PDS5B: variants seen among roughly 807,000 people sequenced by gnomAD.
PDS5B encodes sister chromatid cohesion protein PDS5 homolog B.
PDS5B carries 51 observed loss-of-function variants against 184.1 expected under a neutral mutation model. The ratio of observed to expected loss-of-function variants is 0.28; its 90% CI spans 0.22 to 0.35. PDS5B has a LOEUF of 0.35. Ranked by LOEUF, PDS5B falls within the 10% of genes least tolerant of loss-of-function variation. PDS5B has a pLI of 1.00. For synonymous variants in PDS5B, 566 were observed against 569.2 expected, an observed-to-expected ratio of 0.99 and a Z score of 0.08; for missense variants, 1,180 against 1,723.3, an observed-to-expected ratio of 0.68 and a Z score of 5.58.
intron 13 of PDS5B, 81 bp from the exon 14 acceptor site, chr13:32,694,142 C>T: frequency 1.1e-6 from 1 of 927,076 alleles, no homozygotes; most frequent in Non-Finnish European, 1.7e-6. Flanking sequence ...ATAATTTGAA[C>T]CTTAAATTAT....
At chr13:32,720,252 T>G (rs752867384) in intron 19 of PDS5B, among the ~76,000 whole-genome samples, 2 of 152,042 alleles carry the variant, frequency 1.3e-5, no homozygotes, top group Non-Finnish European at 2.9e-5. Context: ...AATACAAATA[T>G]AAGCAATTAT....
Position 32,694,236 on chromosome 13 carries a change from A to G in PDS5B, c.1483A>G (p.Met495Val), listed in dbSNP as rs766129931. Residue 495 changes from methionine (M) to valine (V), a missense_variant, in exon 14 of 35, where the codon ATG becomes GTG. By Grantham distance (21) the Met-to-Val change is conservative. Coordinates refer to ENST00000315596, the MANE Select transcript of PDS5B (RefSeq NM_015032.4). Reference sequence around the variant, plus strand: ...TGTGTTTTTCAGAGCATTGAATGAAATGTGGAAATGTCAAAATCTGCTCCG... The same window carrying G: ...TGTGTTTTTCAGAGCATTGAATGAAGTGTGGAAATGTCAAAATCTGCTCCG... ...DLNAVKALNE[M>V]WKCQNLLRHQ... is the part of the protein sequence containing the mutation. 16 of 1,602,538 alleles carry G rather than the reference A, an allele frequency of 1.0e-5. No individual in the cohort carries two copies. Among genetic ancestry groups the G allele is most frequent in the African/African-American group, 2.7e-5 (2 of 74,200 alleles).
intron 1 of PDS5B, among the ~76,000 whole-genome samples, chr13:32,602,606 A>G (rs1420238219): frequency 6.6e-6 from 1 of 152,208 alleles, no homozygotes; most frequent in African/African-American, 2.4e-5. Flanking sequence ...GTTTGGGTAT[A>G]TACCCAGTAA....
At chr13:32,757,066 C>T (rs573786909) in intron 26 of PDS5B, among the ~76,000 whole-genome samples, 1 of 151,534 alleles carries the variant, frequency 6.6e-6, no homozygotes, top group South Asian at 2.1e-4. Flanking sequence ...TGGAGGTTGG[C>T]AGTGAGCCAA....
intron 1 of PDS5B, among the ~76,000 whole-genome samples, chr13:32,647,187 C>T (rs901530909): frequency 1.3e-5 from 2 of 152,170 alleles, no homozygotes; most frequent in Non-Finnish European, 2.9e-5. Context: ...CTCTCTATAA[C>T]TTCCATGAAT....
intron 21 of PDS5B, among the ~76,000 whole-genome samples, chr13:32,739,666 T>C (rs926225054): frequency 2.6e-5 from 4 of 152,218 alleles, no homozygotes; most frequent in African/African-American, 7.2e-5. Context: ...CATATTCTGC[T>C]GTGATGAAGT....
chr13:32,659,313 T>C, intron 6 of PDS5B, 33 bp downstream of exon 6: 1 of 1,482,354 alleles, frequency 6.7e-7, no homozygotes, highest in South Asian at 1.5e-5. Flanking sequence ...ATGTGTCTAA[T>C]GCCCGTTAAT....
chr13:32,699,286 T>C (rs919002927), intron 15 of PDS5B, among the ~76,000 whole-genome samples: 13 of 152,184 alleles, frequency 8.5e-5, no homozygotes, highest in Non-Finnish European at 1.2e-4. Context: ...GATACATGCA[T>C]GTATATGTAA....
At position 32,657,210 on chromosome 13, in the gene PDS5B, C is replaced by G. The variant is rs111252387; in HGVS notation, c.313-1029C>G. Reference sequence around the variant, plus strand: ...ACTATTATTGTGTCATTATCTATGTCTCTTCATAAGTCTCTAAGAACTTGC... The same window carrying G: ...ACTATTATTGTGTCATTATCTATGTGTCTTCATAAGTCTCTAAGAACTTGC... On this transcript the variant is annotated intron_variant, in intron 3 of 34. Transcript: ENST00000315596. Among the ~76,000 whole-genome samples the G allele has an allele frequency of 1.7e-4, 26 of 152,292 alleles. 1 individual carries two copies. The highest frequency in any genetic ancestry group is 6.0e-4 in the African/African-American group (25 of 41,572).
intron 6 of PDS5B, among the ~76,000 whole-genome samples, chr13:32,665,146 A>G (rs1950750665): frequency 1.3e-5 from 2 of 152,216 alleles, no homozygotes; most frequent in South Asian, 4.1e-4. Flanking sequence ...AAGGGGGAAT[A>G]AGAAATTATT....
intron 1 of PDS5B, among the ~76,000 whole-genome samples, chr13:32,625,771 TAA>T (rs1229962393): frequency 1.5e-5 from 2 of 135,560 alleles, no homozygotes; most frequent in Non-Finnish European, 1.6e-5. Context: ...TGTGTTGCAA[TAA>T]AAAAAAAAAA....
chr13:32,665,478 A>G (rs144812059), intron 6 of PDS5B, among the ~76,000 whole-genome samples: 4,698 of 146,432 alleles, frequency 0.032, 153 homozygotes, highest in African/African-American at 0.08. Context: ...AGTCCCAGCT[A>G]CTTTGGAGGC....
chr13:32,727,136 G>C (rs1267500947), intron 19 of PDS5B, among the ~76,000 whole-genome samples: 2 of 151,924 alleles, frequency 1.3e-5, no homozygotes, highest in Admixed American at 1.3e-4. Context: ...CTTTATGTCT[G>C]CTTTCCTTGA....
intron 3 of PDS5B, among the ~76,000 whole-genome samples, chr13:32,656,502 TG>T (rs963580236): frequency 6.6e-6 from 1 of 151,822 alleles, no homozygotes; most frequent in Admixed American, 6.6e-5. Context: ...GTGTCATCTG[TG>T]GTTTCTTTGA....
intron 1 of PDS5B, among the ~76,000 whole-genome samples, chr13:32,591,167 T>C (rs1005695247): frequency 2.6e-5 from 4 of 152,054 alleles, no homozygotes; most frequent in African/African-American, 9.7e-5. Context: ...CTCGCTCCGT[T>C]GCCCAGACTG....
intron 1 of PDS5B, among the ~76,000 whole-genome samples, chr13:32,619,522 C>G (rs1482391298): frequency 4.6e-5 from 7 of 152,158 alleles, no homozygotes; most frequent in Admixed American, 2.6e-4. Context: ...CTGGGTGATG[C>G]AGTGAGTGAG....
chr13:32,741,166 A>T lies in PDS5B; in HGVS notation c.2475+18A>T. ...TGGTCAAAGTGAGTAATGTGCATAG[A>T]TCTATTGATTTTAATATAATCACCA... On this transcript the variant is annotated intron_variant, in intron 22 of 34. Coordinates refer to ENST00000315596, the MANE Select transcript of PDS5B (RefSeq NM_015032.4). 2 of 1,295,432 alleles carry T rather than the reference A, an allele frequency of 1.5e-6. No individual in the cohort carries two copies. Among genetic ancestry groups the T allele is most frequent in the East Asian group, 2.3e-5 (1 of 43,076 alleles). The allele number at this position is 1,295,432 out of a possible 1,614,324, so 80.2% of individuals were successfully genotyped here.
intron 1 of PDS5B, among the ~76,000 whole-genome samples, chr13:32,629,620 A>T (rs997017636): frequency 2.6e-5 from 4 of 152,270 alleles, no homozygotes; most frequent in African/African-American, 9.6e-5. Flanking sequence ...GACAATGTTT[A>T]TCTTATGGTT....
At position 32,611,643 on chromosome 13, in the gene PDS5B, G is replaced by A. The variant is rs150836350; in HGVS notation, c.-20+25050G>A. The stretch of plus-strand genomic sequence containing the variant: ...CTGCCTCAGCCTCCTGAGTAGCTGG[G>A]ACTACAGGTGCGTGCCACCACTCCC... On this transcript the variant is annotated intron_variant, in intron 1 of 34. Transcript: ENST00000315596. Among the ~76,000 whole-genome samples, 390 of 151,846 alleles carry A rather than the reference G, an allele frequency of 2.6e-3. 1 individual carries two copies. Among genetic ancestry groups the A allele is most frequent in the African/African-American group, 8.6e-3 (354 of 41,386 alleles).
Sources: gnomAD v4.1 joint callset for allele counts (sites outside exome capture counted in the v4.1 genomes callset) on GRCh38, gnomAD v4.1.1 for gene constraint, MANE v1.5 for transcripts, NCBI Gene and HGNC (gene_info 2026-07-23, HGNC 2026-07-21) for gene names.